Variants in MAF observed in about 807,000 individuals in gnomAD.
MAF encodes the protein MAF bZIP transcription factor.
In MAF, 10 loss-of-function variants were observed where a neutral mutation model predicts 22.0. That is an observed-to-expected ratio of 0.45 (90% confidence interval 0.28 to 0.77). The LOEUF is 0.77. Ranked by LOEUF, MAF falls within the 30% of genes least tolerant of loss-of-function variation. The pLI, the probability that MAF is intolerant of heterozygous loss-of-function variation, is 0.12. For missense variants in MAF, 544 were observed against 548.4 expected (o/e 0.99, Z 0.08); for synonymous variants, 337 against 255.8 (o/e 1.32, Z -3.03).
the MAF span, among the ~76,000 whole-genome samples, chr16:79,260,472 T>G: frequency 1.3e-5 from 2 of 149,562 alleles, no homozygotes; most frequent in African/African-American, 2.5e-5. Flanking sequence ...TCTATCTATA[T>G]CTATATCTAT....
At chr16:79,380,771 T>A in the MAF span, among the ~76,000 whole-genome samples, 1 of 152,176 alleles carries the variant, frequency 6.6e-6, no homozygotes, top group Non-Finnish European at 1.5e-5. Flanking sequence ...GCAGAACACA[T>A]CAATTCCAGT....
the MAF span, among the ~76,000 whole-genome samples, chr16:79,303,231 T>C: frequency 3.5e-4 from 53 of 152,358 alleles, 1 homozygote; most frequent in African/African-American, 1.3e-3. Flanking sequence ...ATCTTCTCTT[T>C]ACACCTGTCA....
the MAF span, among the ~76,000 whole-genome samples, chr16:79,441,003 C>A: frequency 6.6e-6 from 1 of 152,204 alleles, no homozygotes; most frequent in Non-Finnish European, 1.5e-5. Flanking sequence ...TGTCCTATCA[C>A]CCTCTCACAA....
At chr16:79,462,654 T>C in the MAF span, among the ~76,000 whole-genome samples, 3 of 152,144 alleles carry the variant, frequency 2.0e-5, no homozygotes, top group South Asian at 2.1e-4. Context: ...CACTCACATA[T>C]AGATGTGCAC....
the MAF span, among the ~76,000 whole-genome samples, chr16:79,555,483 T>C: frequency 6.6e-6 from 1 of 152,322 alleles, no homozygotes; most frequent in East Asian, 1.9e-4. Flanking sequence ...TTCTGTAGCG[T>C]AAATGCCTTC....
At chr16:79,427,491 T>G in the MAF span, among the ~76,000 whole-genome samples, 2 of 152,216 alleles carry the variant, frequency 1.3e-5, no homozygotes, top group Admixed American at 1.3e-4. Context: ...TTTGGAGTAG[T>G]GATGTTGGCT....
chr16:79,459,356 G>C, the MAF span, among the ~76,000 whole-genome samples: 468 of 152,216 alleles, frequency 3.1e-3, 1 homozygote, highest in Non-Finnish European at 4.7e-3. Context: ...TGACTGCAGC[G>C]ATCACAACAT....
the MAF span, among the ~76,000 whole-genome samples, chr16:79,266,709 G>T: frequency 6.6e-6 from 1 of 152,172 alleles, no homozygotes; most frequent in Non-Finnish European, 1.5e-5. Flanking sequence ...GATTGGGCTG[G>T]GTGGATTTAT....
At chr16:79,539,644 A>G in the MAF span, among the ~76,000 whole-genome samples, 193 of 152,376 alleles carry the variant, frequency 1.3e-3, 1 homozygote, top group African/African-American at 4.1e-3. Context: ...AGTGTTATCT[A>G]TAACAGGAAA....
At chr16:79,215,394 G>C in the MAF span, among the ~76,000 whole-genome samples, 1 of 152,198 alleles carries the variant, frequency 6.6e-6, no homozygotes, top group African/African-American at 2.4e-5. Context: ...GCTGATCAGA[G>C]AGGTGACTTT....
At chr16:79,538,297 T>G in the MAF span, among the ~76,000 whole-genome samples, 1 of 152,186 alleles carries the variant, frequency 6.6e-6, no homozygotes, top group Admixed American at 6.5e-5. Flanking sequence ...AAGATGCATA[T>G]ACAAACCATT....
At chr16:79,448,177 AT>A in the MAF span, among the ~76,000 whole-genome samples, 1 of 152,202 alleles carries the variant, frequency 6.6e-6, no homozygotes, top group Non-Finnish European at 1.5e-5. Context: ...ATAGTGCCAC[AT>A]GCCACAGAGA....
At chr16:79,320,901 G>T in the MAF span, among the ~76,000 whole-genome samples, 5 of 152,154 alleles carry the variant, frequency 3.3e-5, no homozygotes, top group Admixed American at 2.0e-4. Flanking sequence ...TCCTTTTAAA[G>T]ATGAGCAGAG....
the MAF span, among the ~76,000 whole-genome samples, chr16:79,369,478 G>T: frequency 2.0e-5 from 3 of 152,192 alleles, no homozygotes; most frequent in Non-Finnish European, 4.4e-5. Flanking sequence ...AGGACAGGAG[G>T]ATCCTCTGAT....
the MAF span, among the ~76,000 whole-genome samples, chr16:79,410,641 C>T: frequency 6.6e-6 from 1 of 152,146 alleles, no homozygotes; most frequent in African/African-American, 2.4e-5. Flanking sequence ...ACATGCATGG[C>T]TGTGACATGG....
At chr16:79,222,250 G>A in the MAF span, among the ~76,000 whole-genome samples, 39 of 152,214 alleles carry the variant, frequency 2.6e-4, no homozygotes, top group African/African-American at 6.0e-4. Context: ...TTTCATAAGC[G>A]AAGGAGAAAT....
At chr16:79,553,511 A>G in the MAF span, among the ~76,000 whole-genome samples, 1 of 152,224 alleles carries the variant, frequency 6.6e-6, no homozygotes, top group Non-Finnish European at 1.5e-5. Context: ...CCTTTGTCAA[A>G]GAGATGCCTC....
chr16:79,547,781 T>C, the MAF span, among the ~76,000 whole-genome samples: 44 of 152,216 alleles, frequency 2.9e-4, no homozygotes, highest in South Asian at 7.1e-3. Flanking sequence ...ATAAGTCCAA[T>C]ACTGGATATT....
the MAF span, among the ~76,000 whole-genome samples, chr16:79,362,227 T>G: frequency 5.9e-5 from 9 of 152,224 alleles, no homozygotes; most frequent in Admixed American, 5.2e-4. Flanking sequence ...ACATAGTCAG[T>G]GCACATAAAT....
Sources: allele counts gnomAD v4.1 joint callset (sites outside exome capture counted in the v4.1 genomes callset), GRCh38; gene constraint gnomAD v4.1.1; transcripts MANE v1.5; gene names NCBI Gene and HGNC (gene_info 2026-07-23, HGNC 2026-07-21).